KIF16B: variants seen among roughly 807,000 people sequenced by gnomAD.
KIF16B encodes kinesin-like protein KIF16B.
KIF16B carries 98 observed loss-of-function variants against 156.3 expected under a neutral mutation model. That is an observed-to-expected ratio of 0.63 (90% CI 0.53 to 0.74). The LOEUF (loss-of-function observed/expected upper bound fraction) is 0.74, where lower values mean the gene tolerates loss of function less well. Ranked by LOEUF, KIF16B falls within the 30% of genes least tolerant of loss-of-function variation. The pLI, the probability that KIF16B is intolerant of heterozygous loss-of-function variation, is 0.00. For missense variants in KIF16B, 1,421 were observed against 1,606.5 expected, an observed-to-expected ratio of 0.88 and a Z score of 1.97; for synonymous variants, 564 against 583.7, an observed-to-expected ratio of 0.97 and a Z score of 0.49.
At chr20:16,561,715 C>T (rs150357495) in intron 1 of KIF16B, among the ~76,000 whole-genome samples, 1 of 152,148 alleles carries the variant, frequency 6.6e-6, no homozygotes, top group African/African-American at 2.4e-5. Context: ...ACATCACATA[C>T]CCCAGTAACA....
chr20:16,400,410 G>A (rs1228485259), intron 17 of KIF16B, among the ~76,000 whole-genome samples: 1 of 152,158 alleles, frequency 6.6e-6, no homozygotes, highest in Non-Finnish European at 1.5e-5. Flanking sequence ...CCCTGTTGGT[G>A]GGAATGCAAA....
chr20:16,310,600 T>G (rs975009453), intron 25 of KIF16B, among the ~76,000 whole-genome samples: 1 of 152,314 alleles, frequency 6.6e-6, no homozygotes, highest in Middle Eastern at 3.4e-3. Context: ...CATGTTTCCA[T>G]TAAAGGCAGG....
At chr20:16,407,300 C>G (rs1326868919) in intron 15 of KIF16B, among the ~76,000 whole-genome samples, 1 of 152,174 alleles carries the variant, frequency 6.6e-6, no homozygotes, top group Non-Finnish European at 1.5e-5. Context: ...TTCACTGTGT[C>G]TTCTGAAGTC....
intron 12 of KIF16B, among the ~76,000 whole-genome samples, chr20:16,482,821 T>C (rs2068017221): frequency 6.6e-6 from 1 of 152,184 alleles, no homozygotes; most frequent in African/African-American, 2.4e-5. Context: ...ATATTTATGG[T>C]AGGAAATGTG....
chr20:16,401,827 A>T (rs919356076), intron 17 of KIF16B, among the ~76,000 whole-genome samples: 11 of 152,140 alleles, frequency 7.2e-5, no homozygotes, highest in African/African-American at 2.7e-4. Context: ...AGCCACTATT[A>T]CCTTTCACTT....
chr20:16,286,934 G>A (rs2063231417), intron 25 of KIF16B, among the ~76,000 whole-genome samples: 1 of 152,244 alleles, frequency 6.6e-6, no homozygotes, highest in East Asian at 1.9e-4. Context: ...AGCCCCAGCT[G>A]AGCCTAGTCC....
rs2063010610 is a variant in KIF16B, at chr20:16,273,376, C to G, written c.3831G>C (p.Gln1277His). 2 of 1,614,046 alleles carry G rather than the reference C, an allele frequency of 1.2e-6. No individual in the cohort carries two copies. The highest frequency in any genetic ancestry group is 8.5e-7 in the Non-Finnish European group (1 of 1,179,986). Residue 1277 changes from glutamine (Q) to histidine (H), a missense_variant, in exon 26 of 26, where the codon CAG becomes CAC. Gln to His is a conservative substitution (Grantham distance 24). Coordinates refer to ENST00000354981, the MANE Select transcript of KIF16B (RefSeq NM_024704.5). ...YLRDFFSVML[Q>H]SATSPLHINK... ...TGATGTGGAGGGGAGATGTTGCGGA[C>G]TGGAGCATCACGCTGAAAAAGTCCC...
intron 24 of KIF16B, among the ~76,000 whole-genome samples, chr20:16,333,938 G>C (rs1385842095): frequency 6.6e-6 from 1 of 152,052 alleles, no homozygotes; most frequent in Non-Finnish European, 1.5e-5. Flanking sequence ...ACTTTAAATG[G>C]TAACTGCAAC....
intron 3 of KIF16B, among the ~76,000 whole-genome samples, chr20:16,522,771 A>G (rs1009259336): frequency 2.2e-4 from 34 of 152,206 alleles, no homozygotes; most frequent in Admixed American, 2.0e-3. Flanking sequence ...AATTGGAAGT[A>G]AAACACTCCT....
intron 22 of KIF16B, chr20:16,368,294 AG>A: frequency 3.0e-6 from 3 of 998,936 alleles, no homozygotes; most frequent in Non-Finnish European, 3.6e-6. Flanking sequence ...GCAAAGACAG[AG>A]GCCCGGTAAG....
At position 16,335,985 on chromosome 20, in the gene KIF16B, A is replaced by G; in HGVS notation, c.3652T>C (p.Phe1218Leu). Residue 1218 changes from phenylalanine to leucine, a missense_variant, in exon 24 of 26, where the codon TTC becomes CTC. By Grantham distance (22) the Phe-to-Leu change is conservative (BLOSUM62 0). Coordinates refer to ENST00000354981, the MANE Select transcript of KIF16B (RefSeq NM_024704.5). ...TCTCGAAAACGACTGTAACGCCTGA[A>G]TACAGTCCATGTCTCATCTAGGACA... ...ITVLDETWTV[F>L]RRYSRFREMH... The G allele has an allele frequency of 6.2e-7, 1 of 1,608,794 alleles. No homozygotes were observed. Among genetic ancestry groups the G allele is most frequent in the Non-Finnish European group, 8.5e-7 (1 of 1,176,490 alleles).
intron 15 of KIF16B, among the ~76,000 whole-genome samples, chr20:16,416,722 C>T (rs1427059712): frequency 7.0e-6 from 1 of 141,866 alleles, no homozygotes; most frequent in Non-Finnish European, 1.5e-5. Context: ...TACCCCAGAA[C>T]TTTAAAAAAA....
Position 16,272,992 on chromosome 20 carries a change from G to A in KIF16B, c.*261C>T. ...ACGAACTTTGCTGCGCAGTGAGAAG[G>A]AAGCACTGTGGGAAAAGGCCACGTT... On this transcript the variant is annotated 3_prime_UTR_variant, in exon 26 of 26. Coordinates refer to ENST00000354981, the MANE Select transcript of KIF16B (RefSeq NM_024704.5). The A allele has an allele frequency of 2.4e-6, 1 of 418,286 alleles. No individual in the cohort carries two copies. Among genetic ancestry groups the A allele is most frequent in the East Asian group, 4.5e-5 (1 of 22,340 alleles). The allele number at this position is 418,286 out of a possible 1,614,324, so 25.9% of individuals were successfully genotyped here.
intron 14 of KIF16B, among the ~76,000 whole-genome samples, chr20:16,427,940 G>A (rs976503655): frequency 5.3e-5 from 8 of 152,140 alleles, no homozygotes; most frequent in African/African-American, 1.4e-4. Context: ...CTTGGCTAGC[G>A]TCTTGGGAGT....
At chr20:16,326,579 T>G (rs922903263) in intron 24 of KIF16B, among the ~76,000 whole-genome samples, 17 of 151,970 alleles carry the variant, frequency 1.1e-4, no homozygotes, top group African/African-American at 4.1e-4. Flanking sequence ...ATGCTCAACA[T>G]CACTAATTAT....
chr20:16,284,708 T>C (rs2063198099), intron 25 of KIF16B, among the ~76,000 whole-genome samples: 1 of 152,154 alleles, frequency 6.6e-6, no homozygotes, highest in Non-Finnish European at 1.5e-5. Flanking sequence ...GGGTCATTCT[T>C]AGAATTCTCC....
At chr20:16,493,906 G>A (rs367866138) in intron 12 of KIF16B, among the ~76,000 whole-genome samples, 56 of 152,122 alleles carry the variant, frequency 3.7e-4, no homozygotes, top group Middle Eastern at 3.4e-3. Context: ...ATATTGCCAC[G>A]GGAAATATTT....
At chr20:16,368,938 G>A (rs2064748701) in intron 22 of KIF16B, 1 of 985,846 alleles carries the variant, frequency 1.0e-6, no homozygotes, top group South Asian at 4.7e-5. Flanking sequence ...AAAATCTTCT[G>A]CATCATCGGT....
At chr20:16,536,790 T>A (rs746335748) in intron 1 of KIF16B, among the ~76,000 whole-genome samples, 1 of 152,144 alleles carries the variant, frequency 6.6e-6, no homozygotes, top group Non-Finnish European at 1.5e-5. Flanking sequence ...TTCCTTCCCA[T>A]CCACACCCTG....
Sources: allele counts gnomAD v4.1 joint callset (sites outside exome capture counted in the v4.1 genomes callset), GRCh38; gene constraint gnomAD v4.1.1; transcripts MANE v1.5; gene names NCBI Gene and HGNC (gene_info 2026-07-23, HGNC 2026-07-21).